Variants in PDE1C observed in about 807,000 individuals in gnomAD.
PDE1C encodes the protein dual specificity calcium/calmodulin-dependent 3',5'-cyclic nucleotide phosphodiesterase 1C.
A neutral mutation model predicts 93.1 loss-of-function variants in PDE1C; 62 were observed. The observed-to-expected ratio is 0.67, with a 90% CI of 0.54 to 0.82. PDE1C has a LOEUF of 0.82. Among genes scored for constraint, PDE1C ranks in the 40% least tolerant of loss-of-function variants. The pLI, the probability that PDE1C is intolerant of heterozygous loss-of-function variation, is 0.00. For missense variants in PDE1C, 742 were observed against 884.6 expected, an observed-to-expected ratio of 0.84 and a Z score of 2.04; for synonymous variants, 325 against 310.1, an observed-to-expected ratio of 1.05 and a Z score of -0.50.
intron 3 of PDE1C, among the ~76,000 whole-genome samples, chr7:32,165,278 C>A (rs1292897814): frequency 6.6e-6 from 1 of 152,200 alleles, no homozygotes; most frequent in Non-Finnish European, 1.5e-5. Flanking sequence ...GGGTACTGGA[C>A]ACTGTGCTTG....
chr7:32,229,840 A>G (rs963681810), intron 1 of PDE1C, among the ~76,000 whole-genome samples: 1 of 152,214 alleles, frequency 6.6e-6, no homozygotes, highest in Non-Finnish European at 1.5e-5. Context: ...GGAATCTAAC[A>G]AGAGCTAACA....
At chr7:31,972,283 T>G (rs1811069397) in intron 2 of PDE1C, among the ~76,000 whole-genome samples, 1 of 152,212 alleles carries the variant, frequency 6.6e-6, no homozygotes, top group African/African-American at 2.4e-5. Flanking sequence ...AGATGATATC[T>G]AAAATGTTCA....
At chr7:32,082,290 G>A (rs193209148) in intron 3 of PDE1C, among the ~76,000 whole-genome samples, 191 of 152,344 alleles carry the variant, frequency 1.3e-3, no homozygotes, top group Non-Finnish European at 1.6e-3. Context: ...CAAACTGCAA[G>A]GTGGCAGCGA....
At chr7:31,644,493 G>A in the PDE1C span, among the ~76,000 whole-genome samples, 3 of 152,172 alleles carry the variant, frequency 2.0e-5, no homozygotes, top group Non-Finnish European at 2.9e-5. Context: ...ACTCTTATAT[G>A]TGTTACTCTT....
At chr7:31,631,185 A>G in the PDE1C span, among the ~76,000 whole-genome samples, 8 of 152,220 alleles carry the variant, frequency 5.3e-5, no homozygotes, top group Non-Finnish European at 7.3e-5. Flanking sequence ...GGAAGAGCAG[A>G]TAAAAAAAAA....
chr7:31,867,807 T>C (rs1795481737), intron 6 of PDE1C, among the ~76,000 whole-genome samples: 1 of 152,104 alleles, frequency 6.6e-6, no homozygotes. Context: ...CAGGCATGCT[T>C]GGCCCACCAC....
intron 1 of PDE1C, among the ~76,000 whole-genome samples, chr7:32,378,208 G>T (rs982071338): frequency 2.0e-5 from 3 of 152,104 alleles, no homozygotes; most frequent in African/African-American, 7.2e-5. Flanking sequence ...CAGATGCAGA[G>T]ATCTGACCAC....
At chr7:32,179,757 C>T (rs1019660899) in intron 2 of PDE1C, among the ~76,000 whole-genome samples, 1 of 152,050 alleles carries the variant, frequency 6.6e-6, no homozygotes, top group African/African-American at 2.4e-5. Flanking sequence ...TAAAAGGAGC[C>T]CAAGGTGATG....
Position 31,901,829 on chromosome 7 carries a change from T to A in PDE1C, c.129-20969A>T, listed in dbSNP as rs576507166. On this transcript the variant is annotated intron_variant, in intron 2 of 17. Transcript: ENST00000396191. ...AAAATACTAAGTCACAGGATAGGAC[T>A]TATATATGATAAATTTATTTCATAA... Among the ~76,000 whole-genome samples, 9 of 151,734 alleles carry A rather than the reference T, an allele frequency of 5.9e-5. No homozygotes were observed. The South Asian group carries it at 1.4e-3, about 24-fold the overall frequency.
the PDE1C span, chr7:31,692,631 T>C: frequency 2.0e-6 from 2 of 1,002,686 alleles, no homozygotes; most frequent in East Asian, 2.5e-5. Flanking sequence ...CGAAACCTGA[T>C]AGTCTGTGCC....
At chr7:32,030,446 T>C (rs1484913624) in intron 2 of PDE1C, among the ~76,000 whole-genome samples, 1 of 152,082 alleles carries the variant, frequency 6.6e-6, no homozygotes, top group East Asian at 1.9e-4. Context: ...ACAGAGAAAG[T>C]GTTTTCTTGA....
At chr7:32,276,513 G>T (rs1811298752) in intron 1 of PDE1C, among the ~76,000 whole-genome samples, 1 of 152,280 alleles carries the variant, frequency 6.6e-6, no homozygotes, top group Middle Eastern at 3.4e-3. Context: ...GGAACCTGAG[G>T]ATCTAGGAGT....
chr7:32,298,861 C>T, exon 1 of PDE1C: 1 of 1,385,818 alleles, frequency 7.2e-7, no homozygotes, highest in South Asian at 1.7e-5. Flanking sequence ...CTGTCACTCT[C>T]AGCCCCGCCG....
intron 2 of PDE1C, among the ~76,000 whole-genome samples, chr7:31,988,705 A>G (rs1783735715): frequency 6.6e-6 from 1 of 152,160 alleles, no homozygotes; most frequent in African/African-American, 2.4e-5. Flanking sequence ...TATAAAAACA[A>G]ATAAATACAG....
chr7:32,017,175 T>C (rs1227038289), intron 2 of PDE1C, among the ~76,000 whole-genome samples: 3 of 152,160 alleles, frequency 2.0e-5, no homozygotes, highest in Non-Finnish European at 4.4e-5. Flanking sequence ...TGGCAAACAA[T>C]AATTATGAGA....
intron 3 of PDE1C, among the ~76,000 whole-genome samples, chr7:32,103,852 C>T (rs1171337062): frequency 6.6e-6 from 1 of 151,724 alleles, no homozygotes; most frequent in African/African-American, 2.4e-5. Context: ...AGAGAAGAAA[C>T]AAGAATAGGA....
intron 2 of PDE1C, among the ~76,000 whole-genome samples, chr7:32,019,423 G>T (rs1788359306): frequency 6.6e-6 from 1 of 152,092 alleles, no homozygotes; most frequent in Admixed American, 6.6e-5. Flanking sequence ...GTGAGGAAAG[G>T]CAAGTGAGTT....
chr7:31,823,303 G>A, intron 13 of PDE1C, 55 bp from the exon 14 acceptor site: 1 of 1,477,376 alleles, frequency 6.8e-7, no homozygotes, highest in Non-Finnish European at 9.2e-7. Flanking sequence ...GAAAATGTCT[G>A]CCAATGAGCA....
the PDE1C span, among the ~76,000 whole-genome samples, chr7:31,621,561 G>C: frequency 2.0e-5 from 3 of 148,114 alleles, no homozygotes; most frequent in South Asian, 2.2e-4. Flanking sequence ...AATGCTGAGA[G>C]ATTTTGTCAC....
Sources: allele counts gnomAD v4.1 joint callset (sites outside exome capture counted in the v4.1 genomes callset), GRCh38; gene constraint gnomAD v4.1.1; transcripts MANE v1.5; gene names NCBI Gene and HGNC (gene_info 2026-07-23, HGNC 2026-07-21).